The following DENND1B variants were observed in gnomAD, a reference collection of about 807,000 sequenced individuals.
The protein encoded by DENND1B is DENN domain-containing protein 1B.
A neutral mutation model predicts 90.1 loss-of-function variants in DENND1B; 59 were observed. That is an observed-to-expected ratio of 0.65 (90% CI 0.53 to 0.81). The LOEUF is 0.81. DENND1B is among the 40% of genes least tolerant of loss of function. DENND1B has a pLI of 0.00. For missense variants in DENND1B, 862 were observed against 912.6 expected (o/e 0.94, Z 0.71); for synonymous variants, 337 against 324.6 (o/e 1.04, Z -0.41).
chr1:197,553,589 G>A (rs1309514404), intron 15 of DENND1B, among the ~76,000 whole-genome samples: 1 of 152,104 alleles, frequency 6.6e-6, no homozygotes, highest in Non-Finnish European at 1.5e-5. Flanking sequence ...ATGTGACACA[G>A]CAAGTATCTG....
At chr1:197,608,639 T>C (rs543030025) in intron 12 of DENND1B, among the ~76,000 whole-genome samples, 5 of 150,612 alleles carry the variant, frequency 3.3e-5, no homozygotes, top group Non-Finnish European at 6.0e-5. Context: ...ACAGAAACTA[T>C]AAAGATAATC....
At chr1:197,692,853 T>G (rs1658049913) in intron 3 of DENND1B, among the ~76,000 whole-genome samples, 2 of 151,742 alleles carry the variant, frequency 1.3e-5, no homozygotes, top group South Asian at 4.1e-4. Context: ...CCCTAAACTT[T>G]GCCTGGTAAG....
rs1259771303 is a variant in DENND1B, at chr1:197,775,386, C to A, written c.-231G>T. ...TCTGTGACAGCAGCGGTGGCGTGGCCGCCGCCCCCGTCTCCGCCGGTAGCC... is the reference window on the plus strand; with the variant it reads ...TCTGTGACAGCAGCGGTGGCGTGGCAGCCGCCCCCGTCTCCGCCGGTAGCC... On this transcript the variant is annotated 5_prime_UTR_variant, in exon 1 of 23. Transcript: ENST00000620048. 2 of 329,304 alleles carry A rather than the reference C, an allele frequency of 6.1e-6. No individual in the cohort carries two copies. Among genetic ancestry groups the A allele is most frequent in the Non-Finnish European group, 1.1e-5 (2 of 182,006 alleles). 20.4% of individuals were successfully genotyped at this position (329,304 alleles called of 1,614,324 possible).
chr1:197,607,626 A>G (rs1411647098), intron 12 of DENND1B, among the ~76,000 whole-genome samples: 1 of 150,446 alleles, frequency 6.6e-6, no homozygotes, highest in African/African-American at 2.4e-5. Context: ...TTTTTTGTCT[A>G]TATTCTATAC....
At chr1:197,781,475 C>T in the DENND1B span, among the ~76,000 whole-genome samples, 2 of 152,090 alleles carry the variant, frequency 1.3e-5, no homozygotes, top group East Asian at 1.9e-4. Context: ...TTTATCAGGA[C>T]CTGCCTTTTA....
chr1:197,633,481 T>C, intron 10 of DENND1B, among the ~76,000 whole-genome samples: 1 of 152,170 alleles, frequency 6.6e-6, no homozygotes, highest in South Asian at 2.1e-4. Context: ...AAGAGAGAAC[T>C]TGCTCCTGGT....
At chr1:197,628,579 G>A (rs1176188422) in intron 10 of DENND1B, among the ~76,000 whole-genome samples, 3 of 152,114 alleles carry the variant, frequency 2.0e-5, no homozygotes, top group African/African-American at 4.8e-5. Flanking sequence ...AACCCTAGAA[G>A]AAAACCTAGG....
chr1:197,540,160 C>T (rs1670228921), intron 19 of DENND1B, 89 bp from the exon 20 acceptor site: 4 of 773,082 alleles, frequency 5.2e-6, no homozygotes, highest in African/African-American at 3.6e-5. Context: ...ATCTGATATA[C>T]ATACAAGTAG....
intron 7 of DENND1B, 81 bp downstream of exon 7, chr1:197,652,154 A>G: frequency 9.0e-7 from 1 of 1,106,934 alleles, no homozygotes; most frequent in Non-Finnish European, 1.3e-6. Flanking sequence ...TTGGTAAAGA[A>G]TTGCCTGAAG....
chr1:197,746,661 A>G lies in DENND1B; in HGVS notation c.82+26207T>C, dbSNP rs1039152418. 1.4e-5 allele frequency: 10 copies of G among 714,712 alleles called. No individual in the cohort carries two copies. The African/African-American group carries it at 1.8e-4, about 13-fold the overall frequency. The allele number at this position is 714,712 out of a possible 1,614,324, so 44.3% of individuals were successfully genotyped here. On this transcript the variant is annotated intron_variant, in intron 2 of 22. Coordinates refer to ENST00000620048, the MANE Select transcript of DENND1B (RefSeq NM_001195215.2). ...GCTTATTTTTGTTCTAGTGCTATCAATTTTCTGACATATTTAACACAGGCT... is the reference window on the plus strand; with the variant it reads ...GCTTATTTTTGTTCTAGTGCTATCAGTTTTCTGACATATTTAACACAGGCT...
chr1:197,574,951 T>G (rs564572112), intron 15 of DENND1B, among the ~76,000 whole-genome samples: 1 of 152,320 alleles, frequency 6.6e-6, no homozygotes, highest in South Asian at 2.1e-4. Flanking sequence ...TCAAGATGGA[T>G]TAAAGACTTA....
At position 197,617,776 on chromosome 1, in the gene DENND1B, G is replaced by C. The variant is rs368719571; in HGVS notation, c.673-17C>G. The C allele has an allele frequency of 1.3e-5, 20 of 1,585,028 alleles. No individual in the cohort carries two copies. Among genetic ancestry groups the C allele is most frequent in the Non-Finnish European group, 1.6e-5 (19 of 1,155,900 alleles). ...GGCAGTTAACTGAAATTTGTAAAAG[G>C]ATAACAAAAATAAGTAGCTGCTGAC... On this transcript the variant is annotated splice_polypyrimidine_tract_variant and intron_variant, in intron 10 of 22. Transcript: ENST00000620048.
intron 5 of DENND1B, among the ~76,000 whole-genome samples, chr1:197,662,341 T>A (rs1421382400): frequency 1.3e-5 from 2 of 152,088 alleles, no homozygotes; most frequent in Non-Finnish European, 2.9e-5. Flanking sequence ...AGTAACTATA[T>A]GAATGACAGT....
chr1:197,690,876 A>C (rs1014252997), intron 3 of DENND1B, among the ~76,000 whole-genome samples: 2 of 60,084 alleles, frequency 3.3e-5, no homozygotes, highest in Admixed American at 3.6e-4. Flanking sequence ...AAATAACCTG[A>C]CCAAAAAAAA....
chr1:197,584,802 G>C (rs1674553057), intron 14 of DENND1B, among the ~76,000 whole-genome samples: 1 of 152,042 alleles, frequency 6.6e-6, no homozygotes, highest in Non-Finnish European at 1.5e-5. Context: ...CTCCCAAGTA[G>C]CTGGGACTAC....
In DENND1B at chr1:197,622,535, T is replaced by C. The variant is rs117403247; in HGVS notation, c.673-4776A>G. Among the ~76,000 whole-genome samples, 102 of 151,556 alleles carry C rather than the reference T, an allele frequency of 6.7e-4. No homozygotes were observed. In the East Asian group the frequency reaches 0.02, roughly 30 times the overall value. ...TTTATACTAATTGTATAATAGAGAA[T>C]GCATCTTTGGACCGGACAATCAAAC... is the stretch of plus-strand genomic sequence containing the variant. On this transcript the variant is annotated intron_variant, in intron 10 of 22. Transcript: ENST00000620048.
chr1:197,767,018 T>G (rs1185244217), intron 2 of DENND1B, among the ~76,000 whole-genome samples: 1 of 151,968 alleles, frequency 6.6e-6, no homozygotes, highest in Admixed American at 6.6e-5. Flanking sequence ...GGTCTCAAAC[T>G]CCTGACCTCA....
chr1:197,720,240 A>G (rs1254448221), intron 2 of DENND1B, among the ~76,000 whole-genome samples: 1 of 152,000 alleles, frequency 6.6e-6, no homozygotes, highest in African/African-American at 2.4e-5. Flanking sequence ...CTCATTAATT[A>G]TTGTAATTTT....
chr1:197,603,703 T>C (rs1558294938), intron 13 of DENND1B, among the ~76,000 whole-genome samples: 1 of 151,282 alleles, frequency 6.6e-6, no homozygotes, highest in Non-Finnish European at 1.5e-5. Context: ...AAGAGAGTAA[T>C]TCTATTTATA....
Sources: gnomAD v4.1 joint callset for allele counts (sites outside exome capture counted in the v4.1 genomes callset) on GRCh38, gnomAD v4.1.1 for gene constraint, MANE v1.5 for transcripts, NCBI Gene and HGNC (gene_info 2026-07-23, HGNC 2026-07-21) for gene names.